Variants in CD96 observed in about 807,000 individuals in gnomAD.
CD96 encodes CD96 molecule.
A neutral mutation model predicts 71.3 loss-of-function variants in CD96; 70 were observed. The ratio of observed to expected loss-of-function variants is 0.98; its 90% CI spans 0.81 to 1.20. The LOEUF (loss-of-function observed/expected upper bound fraction) is 1.20. Among genes scored for constraint, CD96 ranks in the 50% most tolerant of loss-of-function variants. The pLI is 0.00. For synonymous variants in CD96, 248 were observed against 233.0 expected (o/e 1.06, Z -0.59); for missense variants, 742 against 677.5 (o/e 1.10, Z -1.06).
intron 10 of CD96, among the ~76,000 whole-genome samples, chr3:111,631,903 G>T (rs1409998730): frequency 4.6e-5 from 7 of 152,184 alleles, no homozygotes; most frequent in Non-Finnish European, 1.0e-4. Flanking sequence ...AATAAATTGT[G>T]CTGGGAGAAA....
chr3:111,615,280 G>A (rs186990974), intron 8 of CD96, among the ~76,000 whole-genome samples: 18 of 152,336 alleles, frequency 1.2e-4, no homozygotes, highest in Admixed American at 2.6e-4. Flanking sequence ...TAGTGTGATG[G>A]ATGGAAGATA....
intron 3 of CD96, chr3:111,570,736 G>A: frequency 6.2e-7 from 1 of 1,613,392 alleles, no homozygotes; most frequent in East Asian, 2.2e-5. Flanking sequence ...ATCTTGTCCA[G>A]ATACTCTTCC....
chr3:111,547,269 A>G (rs1934454793), intron 2 of CD96, among the ~76,000 whole-genome samples: 1 of 152,214 alleles, frequency 6.6e-6, no homozygotes, highest in African/African-American at 2.4e-5. Context: ...GAATAGTAAT[A>G]ATTATATTGA....
chr3:111,545,486 G>T, intron 2 of CD96, 84 bp downstream of exon 2: 2 of 929,598 alleles, frequency 2.2e-6, no homozygotes, highest in East Asian at 2.4e-5. Context: ...GCAAGGTTAG[G>T]CTTGGTGCTC....
At chr3:111,602,127 A>T (rs1344203707) in intron 7 of CD96, among the ~76,000 whole-genome samples, 1 of 152,228 alleles carries the variant, frequency 6.6e-6, no homozygotes, top group Non-Finnish European at 1.5e-5. Flanking sequence ...ATAGGGCTGC[A>T]GTCTTGGAAC....
intron 7 of CD96, among the ~76,000 whole-genome samples, chr3:111,606,105 T>A (rs1937615972): frequency 6.6e-6 from 1 of 151,740 alleles, no homozygotes; most frequent in Admixed American, 6.6e-5. Flanking sequence ...CTGTTTCAAC[T>A]CCCCCCAACA....
At chr3:111,592,937 A>G (rs1192869801) in intron 5 of CD96, 3 of 152,248 alleles carry the variant, frequency 2.0e-5, no homozygotes, top group Non-Finnish European at 2.9e-5. Flanking sequence ...AAGAAAATAC[A>G]TTGCAGCAAT....
intron 1 of CD96, among the ~76,000 whole-genome samples, chr3:111,542,701 C>A (rs929163345): frequency 6.6e-6 from 1 of 152,192 alleles, no homozygotes; most frequent in Non-Finnish European, 1.5e-5. Flanking sequence ...CCTTGTTTAA[C>A]TTTTTTCTCT....
intron 7 of CD96, among the ~76,000 whole-genome samples, chr3:111,606,110 C>G (rs1937616579): frequency 6.6e-6 from 1 of 152,038 alleles, no homozygotes; most frequent in Admixed American, 6.6e-5. Flanking sequence ...TCAACTCCCC[C>G]CAACACAGAC....
intron 10 of CD96, among the ~76,000 whole-genome samples, chr3:111,630,483 C>CAA (rs1939005091): frequency 6.6e-6 from 1 of 152,100 alleles, no homozygotes; most frequent in Non-Finnish European, 1.5e-5. Context: ...CTGAATAGAC[C>CAA]AATAACAAGT....
At chr3:111,543,938 C>T (rs1286165440) in intron 1 of CD96, among the ~76,000 whole-genome samples, 3 of 152,228 alleles carry the variant, frequency 2.0e-5, no homozygotes, top group African/African-American at 7.2e-5. Context: ...AGCCTGCTTT[C>T]TTTGTCAGAG....
intron 7 of CD96, among the ~76,000 whole-genome samples, chr3:111,602,689 A>G (rs116602525): frequency 0.021 from 3,157 of 152,244 alleles, 62 homozygotes; most frequent in Middle Eastern, 0.054. Flanking sequence ...CTGTGATGGT[A>G]CTGCCGGATG....
In CD96 at chr3:111,623,610, T is replaced by C; in HGVS notation, c.1181-144T>C. 3 of 669,540 alleles carry C rather than the reference T, an allele frequency of 4.5e-6. No homozygotes were observed. In the South Asian group the frequency reaches 5.1e-5, roughly 11 times the overall value. 41.5% of individuals were successfully genotyped at this position (669,540 alleles called of 1,614,324 possible). On this transcript the variant is annotated intron_variant, in intron 8 of 13. Transcript: ENST00000352690. ...AACCACAAGCATATTCCTTTTGGAT[T>C]CGGTTTCATCATTTATAAAATGAGG...
At chr3:111,620,152 C>T (rs1262130951) in intron 8 of CD96, among the ~76,000 whole-genome samples, 2 of 152,182 alleles carry the variant, frequency 1.3e-5, no homozygotes, top group East Asian at 3.8e-4. Context: ...CACTAAATTC[C>T]TTGGGAAAGC....
At chr3:111,637,795 C>CT (rs11326112) in intron 11 of CD96, among the ~76,000 whole-genome samples, 4 of 142,726 alleles carry the variant, frequency 2.8e-5, no homozygotes, top group African/African-American at 7.7e-5. Flanking sequence ...TATGGAGCTT[C>CT]TTTTTTTTTT....
intron 10 of CD96, among the ~76,000 whole-genome samples, chr3:111,631,630 G>GAAA (rs201819541): frequency 2.8e-5 from 4 of 142,714 alleles, no homozygotes; most frequent in African/African-American, 1.0e-4. Flanking sequence ...CACAGAACTG[G>GAAA]AAAAAAAAAA....
At chr3:111,583,318 C>G (rs1033288718) in intron 4 of CD96, among the ~76,000 whole-genome samples, 2 of 152,178 alleles carry the variant, frequency 1.3e-5, no homozygotes, top group African/African-American at 4.8e-5. Flanking sequence ...CAGGGTACAG[C>G]CTCCCTCCTG....
At chr3:111,630,535 A>C (rs1939008225) in intron 10 of CD96, among the ~76,000 whole-genome samples, 1 of 152,184 alleles carries the variant, frequency 6.6e-6, no homozygotes, top group African/African-American at 2.4e-5. Context: ...TAACCAAAAA[A>C]ATCCCAGGAT....
At chr3:111,579,353 G>A (rs1244811859) in intron 4 of CD96, 119 bp downstream of exon 4, 2 of 754,340 alleles carry the variant, frequency 2.7e-6, no homozygotes, top group African/African-American at 1.7e-5. Flanking sequence ...CAGTGCTGGA[G>A]TCTGTTTCCC....
Sources: gnomAD v4.1 joint callset for allele counts (sites outside exome capture counted in the v4.1 genomes callset) on GRCh38, gnomAD v4.1.1 for gene constraint, MANE v1.5 for transcripts, NCBI Gene and HGNC (gene_info 2026-07-23, HGNC 2026-07-21) for gene names.